CFAP77: variants seen among roughly 807,000 people sequenced by gnomAD.
CFAP77 encodes the protein cilia- and flagella-associated protein 77.
A neutral mutation model predicts 31.1 loss-of-function variants in CFAP77; 25 were observed. That is an observed-to-expected ratio of 0.80 (90% CI 0.59 to 1.12). The LOEUF (loss-of-function observed/expected upper bound fraction) is 1.12, where lower values mean the gene tolerates loss of function less well. Ranked by LOEUF, CFAP77 falls within the 50% of genes most tolerant of loss-of-function variation. The pLI is 0.00. For missense variants in CFAP77, 377 were observed against 397.3 expected, an observed-to-expected ratio of 0.95 and a Z score of 0.44; for synonymous variants, 151 against 159.9, an observed-to-expected ratio of 0.94 and a Z score of 0.42.
chr9:132,411,661 G>A (rs538411425), intron 1 of CFAP77, among the ~76,000 whole-genome samples: 2 of 152,284 alleles, frequency 1.3e-5, no homozygotes, highest in East Asian at 3.9e-4. Flanking sequence ...AGGCAGGACA[G>A]GCAGGTGGGG....
At chr9:132,519,620 T>TGGATGGA (rs1852225802) in intron 3 of CFAP77, among the ~76,000 whole-genome samples, 2 of 24,934 alleles carry the variant, frequency 8.0e-5, no homozygotes, top group Non-Finnish European at 1.6e-4. Flanking sequence ...GGATGGATGG[T>TGGATGGA]TGGGTGGGTA....
intron 1 of CFAP77, chr9:132,482,467 A>G (rs1226283360): frequency 1.6e-5 from 25 of 1,519,350 alleles, no homozygotes; most frequent in Non-Finnish European, 2.2e-5. Context: ...AAAAGGGGAA[A>G]AGAGGGGCCC....
At position 132,499,552 on chromosome 9, in the gene CFAP77, AAG is replaced by A. The variant is rs1821777095; in HGVS notation, c.479_480del (p.Glu160AlafsTer22). 6.2e-7 allele frequency: 1 copy of A among 1,614,212 alleles called. No homozygotes were observed. Among genetic ancestry groups the A allele is most frequent in the Non-Finnish European group, 8.5e-7 (1 of 1,180,034 alleles). On this transcript the variant is annotated frameshift_variant, in exon 3 of 6. Coordinates refer to ENST00000393216, the MANE Select transcript of CFAP77 (RefSeq NM_001282957.2). LOFTEE classifies it high-confidence loss of function. The surrounding 1 kb of genome is among the most constrained non-coding windows in gnomAD (Gnocchi z 5.4). ...GACCAGGATGACCGGCGCATGAAGA[AAG>A]AGCCGCCCCCTCTCCCTCCAAACAT...
intron 3 of CFAP77, among the ~76,000 whole-genome samples, chr9:132,507,870 CG>C (rs747932428): frequency 2.0e-5 from 3 of 151,722 alleles, no homozygotes; most frequent in African/African-American, 4.9e-5. Flanking sequence ...CAAAGATCCC[CG>C]GGCCTCAGAG....
At chr9:132,426,874 C>T (rs1453028274) in intron 1 of CFAP77, among the ~76,000 whole-genome samples, 2 of 152,204 alleles carry the variant, frequency 1.3e-5, no homozygotes, top group Non-Finnish European at 2.9e-5. Context: ...GCCTGCATTA[C>T]AGCAGTCAAG....
chr9:132,438,541 A>ATATATTTTTT, intron 1 of CFAP77, among the ~76,000 whole-genome samples: 1 of 108,154 alleles, frequency 9.2e-6, no homozygotes, highest in Non-Finnish European at 1.8e-5. Flanking sequence ...ATATATATAT[A>ATATATTTTTT]TTTTTTTTTT....
intron 5 of CFAP77, among the ~76,000 whole-genome samples, chr9:132,553,926 G>T (rs992832183): frequency 6.6e-6 from 1 of 152,242 alleles, no homozygotes; most frequent in African/African-American, 2.4e-5. Flanking sequence ...GGCAATTTCA[G>T]GAAGAAGCTT....
At chr9:132,563,625 T>C (rs1397209809) in intron 5 of CFAP77, among the ~76,000 whole-genome samples, 2 of 152,220 alleles carry the variant, frequency 1.3e-5, no homozygotes, top group Non-Finnish European at 2.9e-5. Flanking sequence ...TCTGAGAATT[T>C]CTGCAGGGCA....
chr9:132,549,386 G>A (rs1852788653), intron 5 of CFAP77, among the ~76,000 whole-genome samples: 2 of 152,220 alleles, frequency 1.3e-5, no homozygotes, highest in South Asian at 4.1e-4. Context: ...ACTGTGTAGG[G>A]CACCAAGTGC....
chr9:132,570,429 A>C (rs2119114743), intron 5 of CFAP77, among the ~76,000 whole-genome samples: 1 of 152,292 alleles, frequency 6.6e-6, no homozygotes, highest in South Asian at 2.1e-4. Context: ...AAAACCAAAA[A>C]ATCTGAAACC....
chr9:132,570,666 A>G (rs189927157), intron 5 of CFAP77, among the ~76,000 whole-genome samples: 76 of 152,314 alleles, frequency 5.0e-4, no homozygotes, highest in African/African-American at 1.7e-3. Context: ...CATCCGCTAG[A>G]AGGTGAAGAA....
chr9:132,537,231 T>A (rs545006259), intron 3 of CFAP77, among the ~76,000 whole-genome samples: 79 of 152,074 alleles, frequency 5.2e-4, no homozygotes, highest in Middle Eastern at 3.4e-3. Context: ...AGGAACTTAA[T>A]CAGCTGTCAA....
chr9:132,436,994 A>G (rs973984549), intron 1 of CFAP77, among the ~76,000 whole-genome samples: 1 of 152,134 alleles, frequency 6.6e-6, no homozygotes, highest in African/African-American at 2.4e-5. Context: ...TGTTATGAGG[A>G]TCATTTTTAA....
At chr9:132,519,563 G>GGTGGGTAGATGGATGA (rs1852221497) in intron 3 of CFAP77, among the ~76,000 whole-genome samples, 9 of 135,524 alleles carry the variant, frequency 6.6e-5, no homozygotes, top group Admixed American at 1.5e-4. Flanking sequence ...TGAATGGATG[G>GGTGGGTAGATGGATGA]ATGGATGGAT....
intron 1 of CFAP77, among the ~76,000 whole-genome samples, chr9:132,458,357 G>GGTGGGGTGGGGT (rs1554738863): frequency 8.4e-6 from 1 of 119,042 alleles, no homozygotes; most frequent in Admixed American, 9.8e-5. Flanking sequence ...GAGGGGGGGG[G>GGTGGGGTGGGGT]GTGTGTATGG....
chr9:132,558,357 A>G (rs1852936324), intron 5 of CFAP77, among the ~76,000 whole-genome samples: 1 of 152,248 alleles, frequency 6.6e-6, no homozygotes, highest in Non-Finnish European at 1.5e-5. Flanking sequence ...ATATTTGTAA[A>G]TCATATGTCT....
intron 1 of CFAP77, chr9:132,482,240 G>A: frequency 2.1e-6 from 2 of 939,336 alleles, no homozygotes; most frequent in Admixed American, 4.4e-5. Flanking sequence ...CTCACTCAGG[G>A]TCTGCTGGCT....
rs61182431 is a variant in CFAP77 at position 132,428,812 on chromosome 9, AC to A, written c.195+18354del. Among the ~76,000 whole-genome samples, 126 of 149,664 alleles carry A rather than the reference AC, an allele frequency of 8.4e-4. 1 individual carries two copies. The highest frequency in any genetic ancestry group is 2.7e-3 in the African/African-American group (110 of 40,550). On this transcript the variant is annotated intron_variant, in intron 1 of 5. Transcript: ENST00000393216. ...TCAGGGCACAGTCAGCACTTTGAAG[AC>A]CCCCCCCTGCTCTGCGTACACTGGC...
At chr9:132,561,144 C>A (rs1029360788) in intron 5 of CFAP77, among the ~76,000 whole-genome samples, 1 of 152,192 alleles carries the variant, frequency 6.6e-6, no homozygotes, top group East Asian at 1.9e-4. Flanking sequence ...GAGCCTCTGA[C>A]CTCCAGCTGC....
Sources: allele counts gnomAD v4.1 joint callset (sites outside exome capture counted in the v4.1 genomes callset), GRCh38; gene constraint gnomAD v4.1.1; non-coding constraint Gnocchi (gnomAD v3.1); transcripts MANE v1.5; gene names NCBI Gene and HGNC (gene_info 2026-07-23, HGNC 2026-07-21).